ETV6: variants seen among roughly 807,000 people sequenced by gnomAD.
The protein encoded by ETV6 is ETS variant transcription factor 6.
ETV6 carries 16 observed loss-of-function variants against 51.1 expected under a neutral mutation model. The observed-to-expected ratio is 0.31, with a 90% CI of 0.21 to 0.48. The LOEUF (loss-of-function observed/expected upper bound fraction) is 0.48, where lower values mean the gene tolerates loss of function less well. Ranked by LOEUF, ETV6 falls within the 20% of genes least tolerant of loss-of-function variation. The pLI, the probability that ETV6 is intolerant of heterozygous loss-of-function variation, is 0.99. For synonymous variants in ETV6, 240 were observed against 224.1 expected (o/e 1.07, Z -0.64); for missense variants, 458 against 594.8 (o/e 0.77, Z 2.39).
intron 1 of ETV6, among the ~76,000 whole-genome samples, chr12:11,684,539 A>G (rs1179398682): frequency 1.3e-5 from 2 of 152,210 alleles, no homozygotes; most frequent in Non-Finnish European, 2.9e-5. Context: ...AATTATATGT[A>G]CTCATCACTC....
rs1462681235 is a variant in ETV6 at position 11,893,818 on chromosome 12, A to G, written c.*2772A>G. 8.0e-5 allele frequency: 10 copies of G among 125,396 alleles called. 1 individual carries two copies. Among genetic ancestry groups the G allele is most frequent in the African/African-American group, 5.1e-4 (10 of 19,718 alleles). 7.8% of individuals were successfully genotyped at this position (125,396 alleles called of 1,614,324 possible). A position where few individuals can be genotyped will look rare whatever the true frequency, so the allele number is the denominator to read the frequency against. ...TTTATATATATATATATATATATATATATATATATATATATATATATATAC... is the reference window on the plus strand; with the variant it reads ...TTTATATATATATATATATATATATGTATATATATATATATATATATATAC... On this transcript the variant is annotated 3_prime_UTR_variant, in exon 8 of 8. Transcript: ENST00000396373.
chr12:11,706,059 C>T (rs1865067805), intron 1 of ETV6, among the ~76,000 whole-genome samples: 2 of 152,190 alleles, frequency 1.3e-5, no homozygotes. Context: ...TCAGAGGTCC[C>T]CTGCCAGGAC....
chr12:11,649,771 G>A lies in ETV6; in HGVS notation c.-357G>A, dbSNP rs1163136598. On this transcript the variant is annotated 5_prime_UTR_variant, in exon 1 of 8. Transcript: ENST00000396373. ...CTCTTCCAGGAAGGAAAACATTCGAGAGAGCGAGGGAGAGCCGCGGGAGGG... is the reference window on the plus strand; with the variant it reads ...CTCTTCCAGGAAGGAAAACATTCGAAAGAGCGAGGGAGAGCCGCGGGAGGG... The A allele has an allele frequency of 1.2e-4, 18 of 146,640 alleles. No homozygotes were observed. In the East Asian group the frequency reaches 3.5e-3, roughly 29 times the overall value. 9.1% of individuals were successfully genotyped at this position (146,640 alleles called of 1,614,324 possible).
intron 1 of ETV6, among the ~76,000 whole-genome samples, chr12:11,672,761 G>A (rs74062363): frequency 1.4e-3 from 213 of 152,286 alleles, no homozygotes; most frequent in African/African-American, 4.7e-3. Context: ...AGCTATTACC[G>A]AGTGGCCAAG....
chr12:11,770,776 T>G (rs1312526516), intron 2 of ETV6, among the ~76,000 whole-genome samples: 1 of 152,188 alleles, frequency 6.6e-6, no homozygotes, highest in East Asian at 1.9e-4. Context: ...AGCACGTGCC[T>G]GTGGTCCCAG....
intron 1 of ETV6, among the ~76,000 whole-genome samples, chr12:11,741,736 C>T (rs756135603): frequency 6.6e-6 from 1 of 152,186 alleles, no homozygotes; most frequent in Non-Finnish European, 1.5e-5. Context: ...ATAATTTACT[C>T]AGGAGGGAAG....
intron 4 of ETV6, among the ~76,000 whole-genome samples, chr12:11,862,054 G>A (rs1447649971): frequency 6.6e-6 from 1 of 152,138 alleles, no homozygotes; most frequent in Non-Finnish European, 1.5e-5. Flanking sequence ...CCCTGGAAAG[G>A]TGGCCTGTTT....
intron 2 of ETV6, among the ~76,000 whole-genome samples, chr12:11,838,539 A>G (rs1465274300): frequency 6.6e-6 from 1 of 152,204 alleles, no homozygotes; most frequent in East Asian, 1.9e-4. Flanking sequence ...TTGCCCTCTT[A>G]TTGCCAGAGG....
At chr12:11,674,963 A>G (rs926363390) in intron 1 of ETV6, among the ~76,000 whole-genome samples, 12 of 152,150 alleles carry the variant, frequency 7.9e-5, no homozygotes, top group African/African-American at 2.9e-4. Flanking sequence ...CTCAGTCAAC[A>G]TTTATGGAAG....
intron 2 of ETV6, among the ~76,000 whole-genome samples, chr12:11,760,613 T>C (rs778056516): frequency 1.1e-4 from 16 of 152,190 alleles, no homozygotes; most frequent in Admixed American, 5.9e-4. Context: ...ATTATAGGGG[T>C]ATCCAGCAAT....
intron 1 of ETV6, among the ~76,000 whole-genome samples, chr12:11,708,367 A>G (rs1001304038): frequency 1.3e-5 from 2 of 152,216 alleles, no homozygotes; most frequent in Non-Finnish European, 2.9e-5. Flanking sequence ...GGTATTGAAC[A>G]GACTGGGTGG....
chr12:11,886,446 TTGAA>T (rs1407246788), intron 7 of ETV6, among the ~76,000 whole-genome samples: 1 of 139,262 alleles, frequency 7.2e-6, no homozygotes, highest in Non-Finnish European at 1.6e-5. Flanking sequence ...ATGAAATAGA[TTGAA>T]TGGGTCCATC....
chr12:11,826,585 C>T (rs944726939), intron 2 of ETV6: 11 of 152,304 alleles, frequency 7.2e-5, no homozygotes, highest in African/African-American at 2.7e-4. Flanking sequence ...ATTCATCTGA[C>T]TACCCACCAA....
chr12:11,711,603 G>T (rs1865173335), intron 1 of ETV6, among the ~76,000 whole-genome samples: 1 of 152,190 alleles, frequency 6.6e-6, no homozygotes, highest in African/African-American at 2.4e-5. Flanking sequence ...GTGTGCCATT[G>T]TTTTCTGCGG....
chr12:11,759,793 C>T (rs1282799972), intron 2 of ETV6, among the ~76,000 whole-genome samples: 1 of 152,072 alleles, frequency 6.6e-6, no homozygotes, highest in Non-Finnish European at 1.5e-5. Flanking sequence ...ATGTGCTTCT[C>T]TAAGTTACTT....
intron 2 of ETV6, among the ~76,000 whole-genome samples, chr12:11,792,679 T>C (rs1377229549): frequency 2.5e-5 from 3 of 119,476 alleles, no homozygotes; most frequent in East Asian, 2.4e-4. Flanking sequence ...AGAACAAGAT[T>C]CCATCTCAAA....
At chr12:11,764,129 G>A (rs2136342290) in intron 2 of ETV6, among the ~76,000 whole-genome samples, 1 of 152,316 alleles carries the variant, frequency 6.6e-6, no homozygotes, top group South Asian at 2.1e-4. Flanking sequence ...GTTATGGAGA[G>A]AGATAATTAA....
intron 1 of ETV6, among the ~76,000 whole-genome samples, chr12:11,724,583 G>A (rs1158946235): frequency 6.6e-6 from 1 of 152,152 alleles, no homozygotes; most frequent in Admixed American, 6.5e-5. Context: ...GACAAGTAAG[G>A]CCTAGTCTTC....
intron 7 of ETV6, among the ~76,000 whole-genome samples, chr12:11,887,388 C>T (rs1947210044): frequency 1.3e-5 from 2 of 152,262 alleles, no homozygotes; most frequent in South Asian, 4.1e-4. Flanking sequence ...GGCTGTGTCC[C>T]CTTAAATATC....
Sources: gnomAD v4.1 joint callset for allele counts (sites outside exome capture counted in the v4.1 genomes callset) on GRCh38, gnomAD v4.1.1 for gene constraint, MANE v1.5 for transcripts, NCBI Gene and HGNC (gene_info 2026-07-23, HGNC 2026-07-21) for gene names.